The following SLC35D4 variants were observed in gnomAD, a reference collection of about 807,000 sequenced individuals.
The protein encoded by SLC35D4 is solute carrier family 35 member D4, also known as UDP-N-acetylglucosamine transporter SLC35D4.
chr18:23,275,536 G>A, the SLC35D4 span, among the ~76,000 whole-genome samples: 6 of 152,188 alleles, frequency 3.9e-5, no homozygotes, highest in Non-Finnish European at 7.3e-5. Context: ...CAGAGGCAGA[G>A]CAGGTAAATG....
At chr18:23,367,548 C>A in the SLC35D4 span, among the ~76,000 whole-genome samples, 8 of 152,022 alleles carry the variant, frequency 5.3e-5, no homozygotes, top group African/African-American at 1.7e-4. Flanking sequence ...AACACTCTCT[C>A]TTCATTCTCT....
chr18:23,324,593 G>A, the SLC35D4 span, among the ~76,000 whole-genome samples: 1 of 152,170 alleles, frequency 6.6e-6, no homozygotes, highest in Non-Finnish European at 1.5e-5. Context: ...AACACCCCAC[G>A]CTGGGTTAGC....
chr18:23,315,534 T>G, the SLC35D4 span, among the ~76,000 whole-genome samples: 1 of 152,346 alleles, frequency 6.6e-6, no homozygotes, highest in Admixed American at 6.5e-5. Context: ...TTGCATGTGA[T>G]AAGGGCCTGA....
chr18:23,358,449 AAAG>A, the SLC35D4 span, among the ~76,000 whole-genome samples: 4 of 137,966 alleles, frequency 2.9e-5, no homozygotes, highest in Non-Finnish European at 4.9e-5. Flanking sequence ...GAAAAGAAAG[AAAG>A]AAAAAAAAAC....
the SLC35D4 span, among the ~76,000 whole-genome samples, chr18:23,291,289 T>C: frequency 6.6e-6 from 1 of 151,698 alleles, no homozygotes; most frequent in Non-Finnish European, 1.5e-5. Flanking sequence ...AAGAACAGAG[T>C]TCAAGGGTCT....
At chr18:23,250,097 C>CA in the SLC35D4 span, among the ~76,000 whole-genome samples, 1 of 152,222 alleles carries the variant, frequency 6.6e-6, no homozygotes, top group African/African-American at 2.4e-5. Flanking sequence ...CAAAGCAGAG[C>CA]TGCTGTGGTT....
chr18:23,401,498 G>T, the SLC35D4 span, among the ~76,000 whole-genome samples: 7 of 152,180 alleles, frequency 4.6e-5, no homozygotes, highest in African/African-American at 1.7e-4. Flanking sequence ...AATGGATCAG[G>T]GGTGACATCA....
chr18:23,347,779 T>C, the SLC35D4 span, among the ~76,000 whole-genome samples: 6 of 152,220 alleles, frequency 3.9e-5, no homozygotes, highest in African/African-American at 1.4e-4. Context: ...ATGTTGCTGA[T>C]GTTTTCAAAG....
At chr18:23,373,918 T>C in the SLC35D4 span, among the ~76,000 whole-genome samples, 10 of 152,332 alleles carry the variant, frequency 6.6e-5, no homozygotes, top group African/African-American at 2.4e-4. Flanking sequence ...TGAACCTGAC[T>C]ACCTGTGTAG....
chr18:23,286,576 G>A, the SLC35D4 span, among the ~76,000 whole-genome samples: 56 of 151,534 alleles, frequency 3.7e-4, no homozygotes, highest in Non-Finnish European at 6.2e-4. Flanking sequence ...CACGGATGCC[G>A]AGCTTCAGGT....
chr18:23,325,837 C>T, the SLC35D4 span, among the ~76,000 whole-genome samples: 1 of 152,182 alleles, frequency 6.6e-6, no homozygotes, highest in African/African-American at 2.4e-5. Context: ...GGCCCCCCCA[C>T]CCCGTGTGGG....
chr18:23,351,009 T>C, the SLC35D4 span, among the ~76,000 whole-genome samples: 1 of 152,230 alleles, frequency 6.6e-6, no homozygotes, highest in Non-Finnish European at 1.5e-5. Context: ...AGCTGTTTTT[T>C]GGGAAGAGGT....
chr18:23,331,883 C>CTTTTTT, the SLC35D4 span, among the ~76,000 whole-genome samples: 13 of 102,974 alleles, frequency 1.3e-4, no homozygotes, highest in African/African-American at 1.5e-4. Context: ...TTGAACATGT[C>CTTTTTT]TTTTTTTTTT....
the SLC35D4 span, among the ~76,000 whole-genome samples, chr18:23,395,548 C>G: frequency 6.6e-6 from 1 of 152,254 alleles, no homozygotes; most frequent in African/African-American, 2.4e-5. Flanking sequence ...GTCCCTCCAG[C>G]TGCAGACCCT....
chr18:23,384,910 A>T, the SLC35D4 span: 1 of 1,292,586 alleles, frequency 7.7e-7, no homozygotes, highest in Non-Finnish European at 1.1e-6. Flanking sequence ...GGCAGACACT[A>T]ATTTGGGCCA....
chr18:23,412,877 T>G, the SLC35D4 span, among the ~76,000 whole-genome samples: 1 of 152,216 alleles, frequency 6.6e-6, no homozygotes, highest in Non-Finnish European at 1.5e-5. Flanking sequence ...CTAACATATT[T>G]ACTCCTGGCA....
the SLC35D4 span, among the ~76,000 whole-genome samples, chr18:23,312,019 T>C: frequency 2.0e-5 from 3 of 152,226 alleles, no homozygotes; most frequent in Non-Finnish European, 4.4e-5. Flanking sequence ...ACACTTCGCT[T>C]GATTTATAAA....
At chr18:23,397,668 T>C in the SLC35D4 span, among the ~76,000 whole-genome samples, 1 of 152,338 alleles carries the variant, frequency 6.6e-6, no homozygotes, top group South Asian at 2.1e-4. Context: ...TCTAATGTTA[T>C]ACAATGACTA....
the SLC35D4 span, chr18:23,365,628 A>G: frequency 6.2e-7 from 1 of 1,613,604 alleles, no homozygotes; most frequent in Admixed American, 1.7e-5. Flanking sequence ...CTCCGGGGGC[A>G]TTTACCTGTG....
Sources: gnomAD v4.1 joint callset for allele counts (sites outside exome capture counted in the v4.1 genomes callset) on GRCh38, gnomAD v4.1.1 for gene constraint, MANE v1.5 for transcripts, NCBI Gene and HGNC (gene_info 2026-07-23, HGNC 2026-07-21) for gene names.